The following ZNF407 variants were observed in gnomAD, a reference collection of about 807,000 sequenced individuals.
The protein encoded by ZNF407 is zinc finger protein 407.
A neutral mutation model predicts 131.2 loss-of-function variants in ZNF407; 17 were observed. The observed-to-expected ratio is 0.13, with a 90% CI of 0.09 to 0.19. ZNF407 has a LOEUF of 0.19. Among genes scored for constraint, ZNF407 ranks in the 10% least tolerant of loss-of-function variants. ZNF407 has a pLI of 1.00. For synonymous variants in ZNF407, 1,156 were observed against 1,062.0 expected (o/e 1.09, Z -1.72); for missense variants, 2,681 against 2,830.6 (o/e 0.95, Z 1.20).
chr18:74,741,948 A>G (rs1968560735), intron 3 of ZNF407, among the ~76,000 whole-genome samples: 1 of 152,224 alleles, frequency 6.6e-6, no homozygotes, highest in Non-Finnish European at 1.5e-5. Context: ...TTACAAAGGA[A>G]AACCAGTGTG....
intron 3 of ZNF407, among the ~76,000 whole-genome samples, chr18:74,641,541 G>A (rs508832): frequency 0.2 from 30,008 of 151,952 alleles, 3,787 homozygotes; most frequent in African/African-American, 0.36. Flanking sequence ...GACTTATTCT[G>A]TAAGGAAAGC....
At chr18:74,971,823 T>G (rs1972476004) in intron 8 of ZNF407, among the ~76,000 whole-genome samples, 1 of 152,178 alleles carries the variant, frequency 6.6e-6, no homozygotes, top group Non-Finnish European at 1.5e-5. Context: ...ACCAATTTAC[T>G]GTATTAGTTC....
At chr18:75,058,472 T>C (rs1308067075) in intron 8 of ZNF407, among the ~76,000 whole-genome samples, 1 of 152,206 alleles carries the variant, frequency 6.6e-6, no homozygotes, top group Non-Finnish European at 1.5e-5. Context: ...TATTGCCCTG[T>C]TGAAAACAGA....
chr18:74,859,735 T>C (rs1266451723), intron 4 of ZNF407, among the ~76,000 whole-genome samples: 1 of 152,214 alleles, frequency 6.6e-6, no homozygotes, highest in Non-Finnish European at 1.5e-5. Flanking sequence ...TTTGCTTGTC[T>C]CTTTTCCTTA....
chr18:75,022,365 G>A (rs954945481), intron 8 of ZNF407, among the ~76,000 whole-genome samples: 11 of 152,134 alleles, frequency 7.2e-5, no homozygotes, highest in Admixed American at 6.6e-5. Flanking sequence ...AAATATCAAG[G>A]GGTTGGGGCC....
chr18:74,978,950 G>C (rs886523468), intron 8 of ZNF407, among the ~76,000 whole-genome samples: 2 of 152,186 alleles, frequency 1.3e-5, no homozygotes, highest in African/African-American at 2.4e-5. Flanking sequence ...CGTGAGGGCT[G>C]TGGGCGGCAA....
At chr18:74,676,811 A>G (rs958601804) in intron 3 of ZNF407, among the ~76,000 whole-genome samples, 1 of 152,200 alleles carries the variant, frequency 6.6e-6, no homozygotes, top group Non-Finnish European at 1.5e-5. Context: ...GAGGGCTTAT[A>G]GCGTAATCTG....
At chr18:74,757,306 T>C (rs1159029733) in intron 3 of ZNF407, among the ~76,000 whole-genome samples, 1 of 152,064 alleles carries the variant, frequency 6.6e-6, no homozygotes, top group African/African-American at 2.4e-5. Flanking sequence ...TTTCCCTGTG[T>C]CTATTGCTTC....
rs373746077 is a variant in ZNF407, at chr18:74,890,337, A to G, written c.5249+299A>G. 9.1e-4 allele frequency among the ~76,000 whole-genome samples: 139 copies of G among 152,246 alleles called. No individual in the cohort carries two copies. The South Asian group carries it at 0.016, about 18-fold the overall frequency. ...GTGGTCTATGTGTTACAGTTGATGAACCTACATTGACATGATTCTCACCCA... is the reference window on the plus strand; with the variant it reads ...GTGGTCTATGTGTTACAGTTGATGAGCCTACATTGACATGATTCTCACCCA... On this transcript the variant is annotated intron_variant, in intron 7 of 8. Transcript: ENST00000299687.
At chr18:74,769,439 T>C (rs901612148) in intron 3 of ZNF407, among the ~76,000 whole-genome samples, 2 of 152,196 alleles carry the variant, frequency 1.3e-5, no homozygotes, top group African/African-American at 2.4e-5. Flanking sequence ...GTATCTCTTA[T>C]GATAAGTACC....
chr18:75,054,495 A>G (rs1438445883), intron 8 of ZNF407, among the ~76,000 whole-genome samples: 1 of 152,252 alleles, frequency 6.6e-6, no homozygotes, highest in African/African-American at 2.4e-5. Flanking sequence ...AGAAAAAGAA[A>G]AAGGAAAAAG....
At chr18:74,838,668 C>G (rs1970590551) in intron 4 of ZNF407, among the ~76,000 whole-genome samples, 1 of 151,876 alleles carries the variant, frequency 6.6e-6, no homozygotes, top group Non-Finnish European at 1.5e-5. Flanking sequence ...TATTTTAATT[C>G]ACAATAATTG....
At chr18:75,019,040 C>T (rs763064882) in intron 8 of ZNF407, among the ~76,000 whole-genome samples, 6 of 151,998 alleles carry the variant, frequency 3.9e-5, no homozygotes, top group Non-Finnish European at 7.4e-5. Context: ...AAAGACTATA[C>T]AGTATTAGAA....
At chr18:75,028,777 C>T (rs1478697156) in intron 8 of ZNF407, among the ~76,000 whole-genome samples, 2 of 152,176 alleles carry the variant, frequency 1.3e-5, no homozygotes, top group Non-Finnish European at 2.9e-5. Flanking sequence ...TGTATGCTCC[C>T]GTGTCATATA....
intron 4 of ZNF407, among the ~76,000 whole-genome samples, chr18:74,856,689 G>A (rs916271641): frequency 6.6e-6 from 1 of 152,218 alleles, no homozygotes; most frequent in South Asian, 2.1e-4. Flanking sequence ...TCATGAAGAG[G>A]TTTCAGTCTG....
chr18:74,866,281 G>C (rs73474495), intron 4 of ZNF407, among the ~76,000 whole-genome samples: 2,913 of 152,212 alleles, frequency 0.019, 67 homozygotes, highest in East Asian at 0.068. Context: ...GCGGCTCTTT[G>C]GACTAAGGTC....
At chr18:75,012,336 A>G (rs1972986526) in intron 8 of ZNF407, among the ~76,000 whole-genome samples, 1 of 99,964 alleles carries the variant, frequency 1.0e-5, no homozygotes, top group Non-Finnish European at 2.2e-5. Context: ...GTGTATGTAC[A>G]CATAGTGTAT....
intron 4 of ZNF407, among the ~76,000 whole-genome samples, chr18:74,866,987 G>GA (rs35418996): frequency 0.39 from 24,305 of 62,522 alleles, 3,904 homozygotes; most frequent in South Asian, 0.44. Flanking sequence ...GTGTCTACCC[G>GA]AAAAAAAAAA....
At chr18:75,029,349 G>A (rs919534885) in intron 8 of ZNF407, among the ~76,000 whole-genome samples, 3 of 152,148 alleles carry the variant, frequency 2.0e-5, no homozygotes, top group South Asian at 2.1e-4. Flanking sequence ...CTCTTTCTAC[G>A]TTAACCCAGA....
Sources: gnomAD v4.1 joint callset for allele counts (sites outside exome capture counted in the v4.1 genomes callset) on GRCh38, gnomAD v4.1.1 for gene constraint, MANE v1.5 for transcripts, NCBI Gene and HGNC (gene_info 2026-07-23, HGNC 2026-07-21) for gene names.